Variants in LAMA3 observed in about 807,000 individuals in gnomAD.
LAMA3 encodes the protein laminin subunit alpha 3, also known as laminin subunit alpha-3.
LAMA3 carries 281 observed loss-of-function variants against 402.0 expected under a neutral mutation model. The observed-to-expected ratio is 0.70, with a 90% CI of 0.63 to 0.77. LAMA3 has a LOEUF of 0.77. Ranked by LOEUF, LAMA3 falls within the 30% of genes least tolerant of loss-of-function variation. The pLI is 0.00. For missense variants in LAMA3, 3,840 were observed against 4,215.5 expected (o/e 0.91, Z 2.47); for synonymous variants, 1,431 against 1,558.4 (o/e 0.92, Z 1.93).
Position 23,914,396 on chromosome 18 carries a change from C to T in LAMA3, c.7330-14C>T, listed in dbSNP as rs1315221647. On this transcript the variant is annotated splice_polypyrimidine_tract_variant and intron_variant, in intron 56 of 74. Coordinates refer to ENST00000313654, the MANE Select transcript of LAMA3 (RefSeq NM_198129.4). ...CACAATGTGAAGTGTTCTGAGGTGG[C>T]CCTTTGTCTCCAGGCCTCCCGGGAC... 8.7e-6 allele frequency: 14 copies of T among 1,613,966 alleles called. No homozygotes were observed. The highest frequency in any genetic ancestry group is 1.1e-5 in the Non-Finnish European group (13 of 1,179,952).
chr18:23,709,907 A>G (rs537956156), intron 1 of LAMA3: 2 of 722,122 alleles, frequency 2.8e-6, no homozygotes, highest in South Asian at 2.7e-5. Flanking sequence ...CATCAGGCCT[A>G]ATCAGGGTGT....
intron 24 of LAMA3, 190 bp downstream of exon 24, chr18:23,834,178 T>A (rs1598884302): frequency 1.6e-6 from 1 of 639,944 alleles, no homozygotes; most frequent in East Asian, 2.8e-5. Flanking sequence ...CTATGGGCAG[T>A]GTAAAAATGT....
intron 19 of LAMA3, among the ~76,000 whole-genome samples, chr18:23,821,311 G>A (rs370141217): frequency 2.0e-5 from 3 of 152,182 alleles, no homozygotes; most frequent in Admixed American, 6.5e-5. Context: ...GAATTCAGAC[G>A]AATTGTGAGG....
At chr18:23,898,659 A>T (rs1262173355) in intron 44 of LAMA3, 79 bp from the exon 45 acceptor site, 1 of 843,598 alleles carries the variant, frequency 1.2e-6, no homozygotes, top group East Asian at 2.4e-5. Flanking sequence ...ATGATTCTTC[A>T]TTTATAACCC....
At chr18:23,921,390 C>T (rs1207809211) in intron 61 of LAMA3, 62 bp from the exon 62 acceptor site, 1 of 1,555,334 alleles carries the variant, frequency 6.4e-7, no homozygotes, top group East Asian at 2.3e-5. Flanking sequence ...TAGTTCTGAA[C>T]CCCTGTGAAT....
intron 66 of LAMA3, 61 bp from the exon 67 acceptor site, chr18:23,933,721 A>T: frequency 1.3e-6 from 2 of 1,580,514 alleles, no homozygotes; most frequent in Non-Finnish European, 1.7e-6. Flanking sequence ...TCTCTCTACC[A>T]GAGGGTCTTC....
intron 39 of LAMA3, 133 bp from the exon 40 acceptor site, chr18:23,881,803 T>C (rs1052580065): frequency 1.4e-6 from 1 of 694,122 alleles, no homozygotes; most frequent in South Asian, 1.5e-5. Flanking sequence ...GGAAAATACA[T>C]GGTTAGAGGA....
In LAMA3 at chr18:23,839,825, G is replaced by A. The variant is rs2144574001; in HGVS notation, c.3232G>A (p.Ala1078Thr). The A allele has an allele frequency of 6.2e-7, 1 of 1,614,046 alleles. No homozygotes were observed. Among genetic ancestry groups the A allele is most frequent in the Middle Eastern group, 1.6e-4 (1 of 6,062 alleles). ...VSLAHETPPT[A>T]LILDVLSGRP... Reference sequence around the variant, plus strand: ...CTTGGCCCATGAAACTCCTCCAACAGCATTAATTTTGGATGTTCTAAGTGG... The same window carrying A: ...CTTGGCCCATGAAACTCCTCCAACAACATTAATTTTGGATGTTCTAAGTGG... Residue 1078 changes from alanine to threonine, a missense_variant, in exon 27 of 75, where the codon GCA becomes ACA. Around this residue, in one of 3 missense-constraint regions of LAMA3, gnomAD observed 2,109 missense variants for 2,376.0 expected, o/e 0.89. Transcript: ENST00000313654. The surrounding 1 kb of genome is among the most constrained non-coding windows in gnomAD (Gnocchi z 4.5).
At chr18:23,813,174 T>C in intron 14 of LAMA3, 71 bp downstream of exon 14, 5 of 1,017,232 alleles carry the variant, frequency 4.9e-6, no homozygotes, top group Non-Finnish European at 7.8e-6. Flanking sequence ...GGACTAACAG[T>C]GTGGGCACTT....
At chr18:23,833,776 C>G in intron 23 of LAMA3, 52 bp from the exon 24 acceptor site, 1 of 1,602,334 alleles carries the variant, frequency 6.2e-7, no homozygotes, top group South Asian at 1.1e-5. Context: ...GCAAGTGTGG[C>G]CTGTACATGT....
Position 23,689,591 on chromosome 18 carries a change from T to A in LAMA3, c.-93T>A. 3 of 1,164,774 alleles carry A rather than the reference T, an allele frequency of 2.6e-6. No homozygotes were observed. The highest frequency in any genetic ancestry group is 3.2e-6 in the Non-Finnish European group (3 of 929,598). 72.2% of individuals were successfully genotyped at this position (1,164,774 alleles called of 1,614,324 possible). A position where few individuals can be genotyped will look rare whatever the true frequency, so the allele number is the denominator to read the frequency against. On this transcript the variant is annotated 5_prime_UTR_variant, in exon 1 of 75. Transcript: ENST00000313654. ...CCCATATCCCCGGCTGCGCTAGTCC[T>A]GGCGCTGCAGGTCCGGGAGGCGCAG...
intron 12 of LAMA3, among the ~76,000 whole-genome samples, chr18:23,796,911 G>A (rs921254740): frequency 5.3e-5 from 8 of 152,146 alleles, no homozygotes; most frequent in East Asian, 1.9e-4. Flanking sequence ...TGACCTCACC[G>A]GAAGCATGAG....
At chr18:23,914,319 A>G (rs2081533939) in intron 56 of LAMA3, 91 bp from the exon 57 acceptor site, 1 of 1,362,938 alleles carries the variant, frequency 7.3e-7, no homozygotes, top group African/African-American at 1.4e-5. Context: ...CCTAAAACCC[A>G]TTAGTTATTT....
chr18:23,951,631 G>A, intron 72 of LAMA3, 53 bp from the exon 73 acceptor site: 3 of 1,443,770 alleles, frequency 2.1e-6, no homozygotes, highest in Non-Finnish European at 2.9e-6. Context: ...GCAGGGGAAG[G>A]TCGGCTCCAC....
Position 23,932,001 on chromosome 18 carries a change from T to A in LAMA3, c.8577-159T>A, listed in dbSNP as rs940031632. Among the ~76,000 whole-genome samples, 7 of 152,102 alleles carry A rather than the reference T, an allele frequency of 4.6e-5. 1 individual carries two copies. Among genetic ancestry groups the A allele is most frequent in the Admixed American group, 4.6e-4 (7 of 15,274 alleles). ...AATGTGATGTGCAAAAGAAAATACA[T>A]GAAAAAAGTTGTAATGCTCTTTAAA... On this transcript the variant is annotated intron_variant, in intron 65 of 74. Transcript: ENST00000313654.
chr18:23,952,925 C>A, intron 73 of LAMA3, 65 bp from the exon 74 acceptor site: 1 of 1,609,054 alleles, frequency 6.2e-7, no homozygotes, highest in South Asian at 1.1e-5. Flanking sequence ...AAAACAAAGT[C>A]AATGGTGTAG....
chr18:23,755,975 T>C (rs146790127), intron 6 of LAMA3, among the ~76,000 whole-genome samples: 31 of 152,354 alleles, frequency 2.0e-4, no homozygotes, highest in African/African-American at 7.2e-4. Flanking sequence ...CTTTTTTTGC[T>C]ATGCTCAATT....
chr18:23,786,755 G>T (rs1296540467), intron 12 of LAMA3, among the ~76,000 whole-genome samples: 1 of 152,202 alleles, frequency 6.6e-6, no homozygotes, highest in Non-Finnish European at 1.5e-5. Flanking sequence ...ATGAATTAAA[G>T]GAAGGTATGA....
intron 1 of LAMA3, among the ~76,000 whole-genome samples, chr18:23,704,307 T>C (rs1464903604): frequency 1.3e-5 from 2 of 152,172 alleles, no homozygotes; most frequent in Non-Finnish European, 2.9e-5. Flanking sequence ...ACCGTCCAAA[T>C]CTAAGACAGC....
Sources: gnomAD v4.1 joint callset for allele counts (sites outside exome capture counted in the v4.1 genomes callset) on GRCh38, gnomAD v4.1.1 for gene constraint, gnomAD v4.1.1 regional missense constraint, Gnocchi (gnomAD v3.1) non-coding constraint, MANE v1.5 for transcripts, NCBI Gene and HGNC (gene_info 2026-07-23, HGNC 2026-07-21) for gene names.